Variants in DOCK1 observed in about 807,000 individuals in gnomAD.
The protein encoded by DOCK1 is dedicator of cytokinesis 1, also known as dedicator of cytokinesis protein 1.
Under a neutral mutation model 262.7 loss-of-function variants are expected in DOCK1, and 138 were observed. The ratio of observed to expected loss-of-function variants is 0.53; its 90% CI spans 0.46 to 0.61. The LOEUF (loss-of-function observed/expected upper bound fraction) is 0.61. Ranked by LOEUF, DOCK1 falls within the 20% of genes least tolerant of loss-of-function variation. The pLI, the probability that DOCK1 is intolerant of heterozygous loss-of-function variation, is 0.00. For missense variants in DOCK1, 1,908 were observed against 2,370.7 expected (o/e 0.80, Z 4.05); for synonymous variants, 866 against 867.4 (o/e 1.00, Z 0.03).
intron 27 of DOCK1, among the ~76,000 whole-genome samples, chr10:127,233,278 G>A (rs2058922662): frequency 6.6e-6 from 1 of 152,154 alleles, no homozygotes; most frequent in Admixed American, 6.5e-5. Flanking sequence ...TAAGATTGAT[G>A]AAATGGCCTC....
chr10:127,415,298 C>T (rs888962890), intron 44 of DOCK1, 60 bp downstream of exon 44: 42 of 1,531,534 alleles, frequency 2.7e-5, no homozygotes, highest in South Asian at 7.2e-5. Context: ...CAGTCTGCCA[C>T]GCCTTCTTCA....
chr10:127,304,752 C>G (rs2061813185), intron 29 of DOCK1, among the ~76,000 whole-genome samples: 1 of 152,026 alleles, frequency 6.6e-6, no homozygotes, highest in African/African-American at 2.4e-5. Context: ...TGTGGTGGTG[C>G]ATGCCTGTGG....
chr10:126,970,697 C>T lies in DOCK1; in HGVS notation c.47-5C>T, dbSNP rs775728792. 16 of 1,606,034 alleles carry T rather than the reference C, an allele frequency of 1.0e-5. No individual in the cohort carries two copies. The African/African-American group carries it at 1.5e-4, about 15-fold the overall frequency. ...ACTAATATATTTCCCCTTTTTTCAT[C>T]ACAGCTTTTTATAACTATGATGCCA... On this transcript the variant is annotated splice_polypyrimidine_tract_variant and splice_region_variant and intron_variant, in intron 1 of 51. Coordinates refer to ENST00000623213, the MANE Select transcript of DOCK1 (RefSeq NM_001290223.2).
At chr10:126,989,092 A>AT (rs1041666757) in intron 5 of DOCK1, among the ~76,000 whole-genome samples, 13 of 148,192 alleles carry the variant, frequency 8.8e-5, no homozygotes, top group Non-Finnish European at 1.6e-4. Context: ...AAAAAAATGC[A>AT]TTTTTTTGCT....
chr10:127,049,188 AG>A (rs1352504253), intron 21 of DOCK1, among the ~76,000 whole-genome samples: 7 of 152,226 alleles, frequency 4.6e-5, no homozygotes, highest in African/African-American at 7.2e-5. Context: ...GTAGAATTAC[AG>A]TATGGTACAG....
At chr10:127,172,560 G>C (rs568827645) in intron 27 of DOCK1, among the ~76,000 whole-genome samples, 5 of 151,448 alleles carry the variant, frequency 3.3e-5, no homozygotes, top group Non-Finnish European at 7.3e-5. Context: ...ATGACCCTGG[G>C]GCATTGAGCA....
intron 27 of DOCK1, chr10:127,146,199 T>C (rs1431703065): frequency 3.2e-6 from 1 of 309,948 alleles, no homozygotes; most frequent in Non-Finnish European, 6.4e-6. Flanking sequence ...AACTTTGACC[T>C]TGGGGTATAA....
chr10:127,413,753 C>T (rs1433029639), intron 43 of DOCK1, among the ~76,000 whole-genome samples: 1 of 152,132 alleles, frequency 6.6e-6, no homozygotes, highest in Non-Finnish European at 1.5e-5. Flanking sequence ...ATTGCCAGGA[C>T]AAAAACCTGA....
chr10:126,988,397 G>A (rs190291020), intron 5 of DOCK1: 1 of 152,296 alleles, frequency 6.6e-6, no homozygotes, highest in African/African-American at 2.4e-5. Flanking sequence ...CTAAAGTCCT[G>A]CAGCTGCTTG....
intron 27 of DOCK1, among the ~76,000 whole-genome samples, chr10:127,211,913 C>T (rs2057996019): frequency 6.6e-6 from 1 of 152,206 alleles, no homozygotes; most frequent in Non-Finnish European, 1.5e-5. Context: ...GTTCCGAAAG[C>T]TCTGCAGAGT....
chr10:127,261,192 G>GT (rs2060067996), intron 29 of DOCK1, among the ~76,000 whole-genome samples: 6 of 98,082 alleles, frequency 6.1e-5, no homozygotes, highest in Admixed American at 1.1e-4. Context: ...TGTGCATGCG[G>GT]GTGTGTGTGT....
intron 1 of DOCK1, among the ~76,000 whole-genome samples, chr10:126,908,210 T>A (rs981224760): frequency 2.6e-5 from 4 of 152,120 alleles, no homozygotes; most frequent in Admixed American, 6.5e-5. Context: ...AGTGGGAGGA[T>A]TTTAGTGGTT....
chr10:127,400,166 A>G (rs575831993), intron 38 of DOCK1, among the ~76,000 whole-genome samples: 5 of 146,034 alleles, frequency 3.4e-5, no homozygotes, highest in Non-Finnish European at 7.5e-5. Context: ...TGATTGTAGA[A>G]TAACTTTTAC....
At chr10:127,280,513 G>A (rs1489231836) in intron 29 of DOCK1, among the ~76,000 whole-genome samples, 1 of 152,110 alleles carries the variant, frequency 6.6e-6, no homozygotes, top group East Asian at 1.9e-4. Flanking sequence ...TTGCAAAATT[G>A]AAGGCCAGAA....
chr10:127,384,949 C>A, intron 38 of DOCK1, 40 bp downstream of exon 38: 1 of 1,537,216 alleles, frequency 6.5e-7, no homozygotes, highest in South Asian at 1.3e-5. Context: ...TTCCTCTTTC[C>A]ATGCACCTAC....
chr10:127,381,058 T>A (rs933579519), intron 36 of DOCK1, among the ~76,000 whole-genome samples: 1 of 152,178 alleles, frequency 6.6e-6, no homozygotes, highest in African/African-American at 2.4e-5. Flanking sequence ...AATGAAAAAT[T>A]TGAAGGAAAA....
chr10:127,065,020 T>C (rs1276749728), intron 23 of DOCK1, among the ~76,000 whole-genome samples: 2 of 152,116 alleles, frequency 1.3e-5, no homozygotes, highest in East Asian at 3.9e-4. Context: ...GCTTTTTTTC[T>C]TTTTTTTGAG....
chr10:127,447,967 G>C (rs1170817113), intron 51 of DOCK1, among the ~76,000 whole-genome samples: 1 of 152,206 alleles, frequency 6.6e-6, no homozygotes, highest in African/African-American at 2.4e-5. Context: ...GCAGGCACCT[G>C]TTGTACACCT....
chr10:127,218,062 GATAAA>G (rs941503221), intron 27 of DOCK1, among the ~76,000 whole-genome samples: 3 of 151,488 alleles, frequency 2.0e-5, no homozygotes, highest in South Asian at 2.1e-4. Flanking sequence ...CTAAATATCT[GATAAA>G]ATAAAAGTTG....
Sources: gnomAD v4.1 joint callset for allele counts (sites outside exome capture counted in the v4.1 genomes callset) on GRCh38, gnomAD v4.1.1 for gene constraint, MANE v1.5 for transcripts, NCBI Gene and HGNC (gene_info 2026-07-23, HGNC 2026-07-21) for gene names.